The following TPRG1 variants were observed in gnomAD, a reference collection of about 807,000 sequenced individuals.
The protein encoded by TPRG1 is tumor protein p63-regulated gene 1 protein.
A neutral mutation model predicts 29.3 loss-of-function variants in TPRG1; 29 were observed. That is an observed-to-expected ratio of 0.99 (90% CI 0.74 to 1.35). TPRG1 has a LOEUF of 1.35. Among genes scored for constraint, TPRG1 ranks in the 40% most tolerant of loss-of-function variants. The pLI, the probability that TPRG1 is intolerant of heterozygous loss-of-function variation, is 0.00. For missense variants in TPRG1, 327 were observed against 335.0 expected (o/e 0.98, Z 0.19); for synonymous variants, 130 against 116.8 (o/e 1.11, Z -0.73).
At chr3:189,042,208 A>T (rs1407768373) in intron 4 of TPRG1, among the ~76,000 whole-genome samples, 1 of 152,176 alleles carries the variant, frequency 6.6e-6, no homozygotes, top group African/African-American at 2.4e-5. Flanking sequence ...TCAAAGAAAG[A>T]TAAACTTTTA....
chr3:189,153,444 A>G (rs1160249635), intron 5 of TPRG1, among the ~76,000 whole-genome samples: 2 of 152,218 alleles, frequency 1.3e-5, no homozygotes, highest in Non-Finnish European at 2.9e-5. Flanking sequence ...ATTCAGAAGA[A>G]TTATGTAAAA....
chr3:189,281,095 G>A (rs949722547), intron 4 of TPRG1, among the ~76,000 whole-genome samples: 1 of 152,146 alleles, frequency 6.6e-6, no homozygotes, highest in African/African-American at 2.4e-5. Flanking sequence ...CTGTTAAAAT[G>A]TCTTTACATA....
intron 1 of TPRG1, among the ~76,000 whole-genome samples, chr3:189,175,483 A>G (rs1031614762): frequency 6.6e-6 from 1 of 152,232 alleles, no homozygotes; most frequent in Admixed American, 6.5e-5. Flanking sequence ...ATCAGGCACA[A>G]CATGGTGTCT....
At chr3:189,215,159 C>A in intron 2 of TPRG1, 133 bp from the exon 3 acceptor site, 1 of 606,068 alleles carries the variant, frequency 1.6e-6, no homozygotes, top group Admixed American at 4.0e-5. Context: ...GGCAGTTAGG[C>A]ATACAGGCAA....
chr3:189,131,498 CATA>C (rs1352790992), intron 2 of TPRG1, among the ~76,000 whole-genome samples: 2 of 152,144 alleles, frequency 1.3e-5, no homozygotes, highest in African/African-American at 4.8e-5. Flanking sequence ...CAGTTGATAA[CATA>C]ATAATAATTC....
At chr3:189,089,964 T>G (rs1718233283) in intron 4 of TPRG1, among the ~76,000 whole-genome samples, 1 of 152,046 alleles carries the variant, frequency 6.6e-6, no homozygotes, top group Non-Finnish European at 1.5e-5. Context: ...AAGCAGCTAT[T>G]GGGGTAATTG....
chr3:189,182,349 C>T (rs1227815388), intron 1 of TPRG1, among the ~76,000 whole-genome samples: 1 of 152,146 alleles, frequency 6.6e-6, no homozygotes, highest in Non-Finnish European at 1.5e-5. Context: ...AAAGTGTCTG[C>T]TTATACATGC....
intron 1 of TPRG1, among the ~76,000 whole-genome samples, chr3:189,117,188 A>G (rs1352230262): frequency 6.6e-6 from 1 of 152,178 alleles, no homozygotes. Flanking sequence ...GAGGGCAATG[A>G]GGAAAAGAGG....
At chr3:189,293,200 GA>G (rs1174894535) in intron 4 of TPRG1, among the ~76,000 whole-genome samples, 2 of 152,182 alleles carry the variant, frequency 1.3e-5, no homozygotes. Flanking sequence ...TAAATGAGAT[GA>G]TGTGGAGGCT....
intron 1 of TPRG1, among the ~76,000 whole-genome samples, chr3:189,185,983 T>C (rs1473213820): frequency 6.6e-6 from 1 of 152,226 alleles, no homozygotes; most frequent in Non-Finnish European, 1.5e-5. Context: ...GCATACCTCA[T>C]GTGATACAAT....
intron 4 of TPRG1, among the ~76,000 whole-genome samples, chr3:189,283,366 T>C (rs1348903355): frequency 6.6e-6 from 1 of 152,226 alleles, no homozygotes; most frequent in Non-Finnish European, 1.5e-5. Flanking sequence ...GTGACTCTCA[T>C]GTTTTATTCC....
intron 4 of TPRG1, among the ~76,000 whole-genome samples, chr3:189,045,828 C>T (rs985100968): frequency 6.6e-6 from 1 of 152,260 alleles, no homozygotes; most frequent in South Asian, 2.1e-4. Context: ...GTTTGGAGGC[C>T]GAGGAAGTCT....
intron 4 of TPRG1, among the ~76,000 whole-genome samples, chr3:189,300,831 A>G (rs556684011): frequency 9.8e-5 from 15 of 152,298 alleles, no homozygotes; most frequent in African/African-American, 3.6e-4. Flanking sequence ...CTACTTTACT[A>G]GTAGAGCTCA....
At chr3:189,287,397 TTTC>T (rs1159377948) in intron 4 of TPRG1, among the ~76,000 whole-genome samples, 6 of 149,910 alleles carry the variant, frequency 4.0e-5, no homozygotes, top group African/African-American at 1.3e-4. Context: ...TCTTTCTTTC[TTTC>T]TTTTTTTTTT....
chr3:189,177,636 G>C (rs1216339596), intron 1 of TPRG1, among the ~76,000 whole-genome samples: 1 of 151,964 alleles, frequency 6.6e-6, no homozygotes, highest in Non-Finnish European at 1.5e-5. Flanking sequence ...CTGGGGTGCT[G>C]AATGTTTGAG....
chr3:189,092,748 A>G (rs932344957), intron 4 of TPRG1, among the ~76,000 whole-genome samples: 6 of 152,130 alleles, frequency 3.9e-5, no homozygotes, highest in Admixed American at 6.5e-5. Context: ...GCTTATCATA[A>G]GCTAGGGGAG....
chr3:189,113,635 C>A (rs1469844714), intron 1 of TPRG1, among the ~76,000 whole-genome samples: 1 of 152,052 alleles, frequency 6.6e-6, no homozygotes, highest in Admixed American at 6.5e-5. Flanking sequence ...TTGAGATAAT[C>A]ATGTGGTTTT....
chr3:189,167,621 A>C (rs1306024544), upstream of TPRG1, among the ~76,000 whole-genome samples: 1 of 152,184 alleles, frequency 6.6e-6, no homozygotes, highest in African/African-American at 2.4e-5. Flanking sequence ...AGGCCCTTCT[A>C]CCTGCAGGCC....
intron 4 of TPRG1, among the ~76,000 whole-genome samples, chr3:189,087,103 A>G (rs907337868): frequency 6.6e-6 from 1 of 152,164 alleles, no homozygotes; most frequent in Non-Finnish European, 1.5e-5. Context: ...CAGTGGTGGA[A>G]CTAGTTTGCA....
Sources: gnomAD v4.1 joint callset for allele counts (sites outside exome capture counted in the v4.1 genomes callset) on GRCh38, gnomAD v4.1.1 for gene constraint, MANE v1.5 for transcripts, NCBI Gene and HGNC (gene_info 2026-07-23, HGNC 2026-07-21) for gene names.